Variants in ADAMTSL3 observed in about 807,000 individuals in gnomAD.
ADAMTSL3 encodes the protein ADAMTS-like protein 3.
In ADAMTSL3, 128 loss-of-function variants were observed where a neutral mutation model predicts 201.7. That is an observed-to-expected ratio of 0.63 (90% CI 0.55 to 0.73). The LOEUF (loss-of-function observed/expected upper bound fraction) is 0.73. ADAMTSL3 is among the 30% of genes least tolerant of loss of function. The pLI is 0.00. For synonymous variants in ADAMTSL3, 738 were observed against 748.4 expected (o/e 0.99, Z 0.23); for missense variants, 1,990 against 2,119.6 (o/e 0.94, Z 1.20).
intron 27 of ADAMTSL3, among the ~76,000 whole-genome samples, chr15:84,026,700 T>C (rs1002164175): frequency 6.6e-6 from 1 of 152,146 alleles, no homozygotes; most frequent in African/African-American, 2.4e-5. Flanking sequence ...GGGGGAAGAA[T>C]AGTCTTTTAA....
intron 9 of ADAMTSL3, among the ~76,000 whole-genome samples, chr15:83,881,929 G>T (rs1322126443): frequency 1.3e-5 from 2 of 151,990 alleles, no homozygotes; most frequent in Admixed American, 1.3e-4. Flanking sequence ...GGAGGTGGGC[G>T]GATCATGAGA....
chr15:83,672,388 A>C (rs150833483), intron 2 of ADAMTSL3, among the ~76,000 whole-genome samples: 2 of 152,166 alleles, frequency 1.3e-5, no homozygotes, highest in Non-Finnish European at 2.9e-5. Context: ...AGGAGAAAGC[A>C]CTATTGACAT....
At chr15:83,714,791 T>TTCTTTCTTTCTTTCTTTTTCTTTCTCTC (rs1555433213) in intron 3 of ADAMTSL3, among the ~76,000 whole-genome samples, 1 of 78,888 alleles carries the variant, frequency 1.3e-5, no homozygotes, top group Non-Finnish European at 2.6e-5. Context: ...TTCTTTTTCT[T>TTCTTTCTTTCTTTCTTTTTCTTTCTCTC]TCTCTCTCTT....
At chr15:84,036,130 G>T (rs2068501270) in intron 28 of ADAMTSL3, among the ~76,000 whole-genome samples, 1 of 152,130 alleles carries the variant, frequency 6.6e-6, no homozygotes, top group Admixed American at 6.5e-5. Flanking sequence ...CCCAAAGTGG[G>T]CCCACTAAGT....
chr15:83,730,359 GT>G (rs1259661841), intron 3 of ADAMTSL3, among the ~76,000 whole-genome samples: 1 of 152,100 alleles, frequency 6.6e-6, no homozygotes, highest in Non-Finnish European at 1.5e-5. Flanking sequence ...GATTTTACAG[GT>G]GGAGGAACTA....
chr15:83,937,644 G>T (rs949907614), intron 17 of ADAMTSL3, among the ~76,000 whole-genome samples: 1 of 150,798 alleles, frequency 6.6e-6, no homozygotes, highest in Non-Finnish European at 1.5e-5. Context: ...ATCTGCACAT[G>T]TACCTAAAAT....
At chr15:83,981,668 GCTT>G (rs2067386940) in intron 20 of ADAMTSL3, among the ~76,000 whole-genome samples, 1 of 152,170 alleles carries the variant, frequency 6.6e-6, no homozygotes. Flanking sequence ...GCTACCCATT[GCTT>G]CTTCAGACCC....
At chr15:83,885,072 C>A (rs573748639) in intron 9 of ADAMTSL3, 29 bp from the exon 10 acceptor site, 3 of 1,492,890 alleles carry the variant, frequency 2.0e-6, no homozygotes, top group Non-Finnish European at 2.8e-6. Context: ...CTTGTTTGCA[C>A]GTGTGTTCTC....
intron 2 of ADAMTSL3, among the ~76,000 whole-genome samples, chr15:83,700,474 A>G (rs1361501571): frequency 6.6e-6 from 1 of 152,206 alleles, no homozygotes; most frequent in East Asian, 1.9e-4. Context: ...ATTTAAAATG[A>G]TGATTCTGGC....
At chr15:83,835,134 T>C (rs2064239524) in intron 6 of ADAMTSL3, among the ~76,000 whole-genome samples, 1 of 149,300 alleles carries the variant, frequency 6.7e-6, no homozygotes, top group Non-Finnish European at 1.5e-5. Context: ...CTCGGGAGGC[T>C]GAGGCAGGAA....
At chr15:83,920,130 A>G (rs539794003) in intron 16 of ADAMTSL3, among the ~76,000 whole-genome samples, 1 of 152,356 alleles carries the variant, frequency 6.6e-6, no homozygotes, top group South Asian at 2.1e-4. Context: ...TGCATAGTGG[A>G]GTACAAGAAT....
intron 20 of ADAMTSL3, 121 bp from the exon 21 acceptor site, chr15:83,982,152 A>T: frequency 2.6e-6 from 2 of 772,492 alleles, no homozygotes; most frequent in Non-Finnish European, 4.0e-6. Flanking sequence ...TGAATGTTTT[A>T]AAATAGTAAA....
intron 3 of ADAMTSL3, among the ~76,000 whole-genome samples, chr15:83,767,515 C>T (rs1390051839): frequency 6.6e-6 from 1 of 152,144 alleles, no homozygotes; most frequent in East Asian, 1.9e-4. Context: ...AACTGACAAA[C>T]ACAGACATTC....
chr15:83,821,989 G>A (rs1296961764), intron 6 of ADAMTSL3, among the ~76,000 whole-genome samples: 1 of 146,430 alleles, frequency 6.8e-6, no homozygotes, highest in Non-Finnish European at 1.5e-5. Context: ...GCTGCTGGCC[G>A]GGCGGGTTGC....
chr15:83,882,743 C>T (rs923254293), intron 9 of ADAMTSL3, among the ~76,000 whole-genome samples: 3 of 152,108 alleles, frequency 2.0e-5, no homozygotes, highest in Non-Finnish European at 2.9e-5. Flanking sequence ...GAGGACTTGA[C>T]TTTGTTTTCT....
chr15:83,655,840 T>C lies in ADAMTSL3; in HGVS notation c.69+10T>C. On this transcript the variant is annotated intron_variant, in intron 2 of 29. Transcript: ENST00000286744. ...CTCTCCCCTCCCGCAGGTAAGGTCA[T>C]ATAGGGAGGGGAAGGGAAATGGTGG... The C allele has an allele frequency of 6.2e-7, 1 of 1,613,032 alleles. No homozygotes were observed.
At chr15:83,871,333 C>T (rs1332739975) in intron 9 of ADAMTSL3, among the ~76,000 whole-genome samples, 1 of 152,162 alleles carries the variant, frequency 6.6e-6, no homozygotes, top group Non-Finnish European at 1.5e-5. Context: ...CCAAGTGATC[C>T]TTCTGCCTCA....
At chr15:83,685,985 T>C (rs1349645859) in intron 2 of ADAMTSL3, among the ~76,000 whole-genome samples, 1 of 146,790 alleles carries the variant, frequency 6.8e-6, no homozygotes, top group Non-Finnish European at 1.5e-5. Context: ...TTCCAGCCTC[T>C]TGCTGGCAGC....
intron 2 of ADAMTSL3, among the ~76,000 whole-genome samples, chr15:83,683,782 GC>G (rs1596021397): frequency 6.6e-6 from 1 of 152,084 alleles, no homozygotes; most frequent in Non-Finnish European, 1.5e-5. Flanking sequence ...CCATTCCATG[GC>G]CCTTTCCACA....
Sources: allele counts gnomAD v4.1 joint callset (sites outside exome capture counted in the v4.1 genomes callset), GRCh38; gene constraint gnomAD v4.1.1; transcripts MANE v1.5; gene names NCBI Gene and HGNC (gene_info 2026-07-23, HGNC 2026-07-21).